Variants in IRAG2 observed in about 807,000 individuals in gnomAD.
IRAG2 encodes inositol 1,4,5-triphosphate receptor associated 2.
Under a neutral mutation model 69.9 loss-of-function variants are expected in IRAG2, and 45 were observed. The observed-to-expected ratio is 0.64, with a 90% CI of 0.51 to 0.83. The LOEUF is 0.83. Among genes scored for constraint, IRAG2 ranks in the 40% least tolerant of loss-of-function variants. The pLI, the probability that IRAG2 is intolerant of heterozygous loss-of-function variation, is 0.00. For missense variants in IRAG2, 520 were observed against 587.0 expected (o/e 0.89, Z 1.18); for synonymous variants, 193 against 202.4 (o/e 0.95, Z 0.40).
chr12:25,079,636 T>A lies in IRAG2; in HGVS notation c.137-20T>A, dbSNP rs1947061738. On this transcript the variant is annotated intron_variant, in intron 8 of 21. Coordinates refer to ENST00000556887, the MANE Select transcript of IRAG2 (RefSeq NM_001366544.2). Reference sequence around the variant, plus strand: ...TATTATGTGCATAGTATTCGCACCATTTGTTTCTCCTGTTGACAGATCCTG... The same window carrying A: ...TATTATGTGCATAGTATTCGCACCAATTGTTTCTCCTGTTGACAGATCCTG... The A allele has an allele frequency of 6.7e-7, 1 of 1,488,900 alleles. No homozygotes were observed. Among genetic ancestry groups the A allele is most frequent in the African/African-American group, 1.4e-5 (1 of 72,396 alleles). The allele number at this position is 1,488,900 out of a possible 1,614,324, so 92.2% of individuals were successfully genotyped here.
At chr12:25,034,193 T>C (rs548559535) in intron 13 of IRAG2, among the ~76,000 whole-genome samples, 2 of 152,346 alleles carry the variant, frequency 1.3e-5, no homozygotes, top group East Asian at 1.9e-4. Flanking sequence ...TTTGGGACTT[T>C]AGAAATCTTT....
At chr12:25,040,516 AGAGAG>A (rs1214160805) in intron 16 of IRAG2, among the ~76,000 whole-genome samples, 2 of 150,458 alleles carry the variant, frequency 1.3e-5, no homozygotes, top group Admixed American at 6.6e-5. Context: ...TTAAAAAAAA[AGAGAG>A]AGAGAGAGAG....
chr12:25,019,084 G>A (rs952332236), intron 6 of IRAG2, among the ~76,000 whole-genome samples: 1 of 152,218 alleles, frequency 6.6e-6, no homozygotes, highest in Non-Finnish European at 1.5e-5. Context: ...GAGCATGCAG[G>A]TGAGCAGGTG....
intron 6 of IRAG2, among the ~76,000 whole-genome samples, chr12:25,017,757 C>T (rs979351758): frequency 6.6e-6 from 1 of 151,838 alleles, no homozygotes; most frequent in Non-Finnish European, 1.5e-5. Flanking sequence ...AGTATATTCT[C>T]AAGGTTGTGC....
At chr12:25,097,557 G>C (rs1948495691) in intron 15 of IRAG2, 1 of 152,186 alleles carries the variant, frequency 6.6e-6, no homozygotes, top group Non-Finnish European at 1.5e-5. Context: ...CCTTAGAGAA[G>C]TAGAATTCCA....
intron 6 of IRAG2, among the ~76,000 whole-genome samples, chr12:25,069,677 C>T (rs1347153547): frequency 1.3e-5 from 2 of 152,000 alleles, no homozygotes; most frequent in Non-Finnish European, 2.9e-5. Context: ...GGTTATAGAA[C>T]CAAAAAGAGA....
In IRAG2 at chr12:25,108,077, T is replaced by G. The variant is rs1949340164; in HGVS notation, c.*17T>G. 1.9e-6 allele frequency: 3 copies of G among 1,605,284 alleles called. No homozygotes were observed. The African/African-American group carries it at 4.0e-5, about 22-fold the overall frequency. ...CCAGTGTGACAGCAGGACATCCTAATATATGGATCTTGATTTTTAAGTTTC... is the reference window on the plus strand; with the variant it reads ...CCAGTGTGACAGCAGGACATCCTAAGATATGGATCTTGATTTTTAAGTTTC... On this transcript the variant is annotated 3_prime_UTR_variant, in exon 22 of 22. Transcript: ENST00000556887.
the IRAG2 span, among the ~76,000 whole-genome samples, chr12:24,998,690 AT>A: frequency 5.4e-3 from 803 of 148,270 alleles, 4 homozygotes; most frequent in African/African-American, 0.018. Flanking sequence ...ACATACTTAA[AT>A]TTTTTTTTTT....
Position 25,079,717 on chromosome 12 carries a change from G to A in IRAG2, c.198G>A (p.Lys66=). The change falls in exon 9 of 22, where the codon AAG becomes AAA. Residue 66 remains lysine, a synonymous_variant. Transcript: ENST00000556887. ...ACCTTGACAGAAACTCGCTCTGTAA[G>A]AAAGAGGAGGATACAAGATCAGCTT... ...SCDLDRNSLC[K]KEEDTRSASP... is the part of the protein sequence containing the mutation. The A allele has an allele frequency of 1.2e-6, 2 of 1,614,056 alleles. No homozygotes were observed. The highest frequency in any genetic ancestry group is 1.1e-5 in the South Asian group (1 of 91,084).
chr12:25,016,882 G>A (rs12370968), intron 5 of IRAG2, among the ~76,000 whole-genome samples: 1 of 151,998 alleles, frequency 6.6e-6, no homozygotes, highest in Non-Finnish European at 1.5e-5. Context: ...AAAAACTGTA[G>A]AAGTTGATTT....
chr12:25,041,560 G>T lies in IRAG2; in HGVS notation c.2144+3423G>T, dbSNP rs1407597186. On this transcript the variant is annotated intron_variant, in intron 16 of 38. Coordinates refer to the IRAG2 transcript ENST00000636465. ...GCAGTGGCACGATTTCAGCTCACTG[G>T]AACCTCCACCTCCCGGGTTCAACCT... is the stretch of plus-strand genomic sequence containing the variant. Among the ~76,000 whole-genome samples, 4 of 151,878 alleles carry T rather than the reference G, an allele frequency of 2.6e-5. No individual in the cohort carries two copies. In the East Asian group the frequency reaches 7.7e-4, roughly 29 times the overall value.
At chr12:25,012,176 A>G (rs871857) in intron 3 of IRAG2, among the ~76,000 whole-genome samples, 23,375 of 111,352 alleles carry the variant, frequency 0.21, 2,599 homozygotes, top group Middle Eastern at 0.41. Context: ...TTTTTCTGAG[A>G]CGGAGTTTCA....
In IRAG2 at chr12:25,090,205, T is replaced by A. The variant is rs377150270; in HGVS notation, c.606+8T>A. The A allele has an allele frequency of 7.4e-5, 120 of 1,612,292 alleles. No homozygotes were observed. In the Middle Eastern group the frequency reaches 1.3e-3, roughly 18 times the overall value. ...TGTTTAAAACTATTAGAGGTGAGAATCAGAACATTTGGGATATAAACATTT... is the reference window on the plus strand; with the variant it reads ...TGTTTAAAACTATTAGAGGTGAGAAACAGAACATTTGGGATATAAACATTT... On this transcript the variant is annotated splice_region_variant and intron_variant, in intron 14 of 21. Transcript: ENST00000556887.
chr12:25,047,483 G>A (rs1032866957), upstream of IRAG2, among the ~76,000 whole-genome samples: 1 of 152,074 alleles, frequency 6.6e-6, no homozygotes, highest in Non-Finnish European at 1.5e-5. Context: ...TAAGTTCCAG[G>A]GTACATGTGC....
chr12:25,064,440 A>C (rs1260834215), intron 4 of IRAG2, among the ~76,000 whole-genome samples: 1 of 152,222 alleles, frequency 6.6e-6, no homozygotes, highest in Non-Finnish European at 1.5e-5. Flanking sequence ...TAGAAGAGAC[A>C]TTTGGAGAAG....
At chr12:25,011,646 T>G (rs1365547372) in intron 3 of IRAG2, 1 of 812,700 alleles carries the variant, frequency 1.2e-6, no homozygotes, top group African/African-American at 1.8e-5. Flanking sequence ...ATGGAAATAC[T>G]ATTGTCCAGT....
chr12:25,031,007 A>G lies in IRAG2; in HGVS notation c.1518+673A>G, dbSNP rs1335097240. The G allele has an allele frequency of 3.1e-6, 3 of 983,450 alleles. No homozygotes were observed. The Admixed American group carries it at 1.8e-4, about 61-fold the overall frequency. The allele number at this position is 983,450 out of a possible 1,614,324, so 60.9% of individuals were successfully genotyped here. A position where few individuals can be genotyped will look rare whatever the true frequency, so the allele number is the denominator to read the frequency against. ...TTGTATCCTGTGATTGTAGCCAAGG[A>G]TACCGGCTACAAAGGTGCTGGTTAC... is the stretch of plus-strand genomic sequence containing the variant. On this transcript the variant is annotated intron_variant, in intron 10 of 38. Coordinates refer to the IRAG2 transcript ENST00000636465.
chr12:25,076,319 T>C, intron 6 of IRAG2: 1 of 735,426 alleles, frequency 1.4e-6, no homozygotes, highest in Non-Finnish European at 1.7e-6. Flanking sequence ...AATCACATAA[T>C]TATTTGTTTA....
intron 1 of IRAG2, among the ~76,000 whole-genome samples, chr12:25,060,752 C>T (rs1323142663): frequency 6.6e-6 from 1 of 151,214 alleles, no homozygotes; most frequent in Non-Finnish European, 1.5e-5. Context: ...CCTTCACCTC[C>T]CAGGTTCAAG....
Sources: gnomAD v4.1 joint callset for allele counts (sites outside exome capture counted in the v4.1 genomes callset) on GRCh38, gnomAD v4.1.1 for gene constraint, MANE v1.5 for transcripts, NCBI Gene and HGNC (gene_info 2026-07-23, HGNC 2026-07-21) for gene names.